SCARA5: variants seen among roughly 807,000 people sequenced by gnomAD.
The protein encoded by SCARA5 is scavenger receptor class A member 5, also known as scavenger receptor class A, member 5 (putative).
SCARA5 carries 45 observed loss-of-function variants against 46.3 expected under a neutral mutation model. The ratio of observed to expected loss-of-function variants is 0.97; its 90% CI spans 0.76 to 1.24. SCARA5 has a LOEUF of 1.24. Ranked by LOEUF, SCARA5 falls within the 50% of genes most tolerant of loss-of-function variation. The probability of loss-of-function intolerance (pLI) is 0.00; values close to 1 mark genes in which losing one functional copy is unlikely to be tolerated. For synonymous variants in SCARA5, 333 were observed against 306.5 expected (o/e 1.09, Z -0.90); for missense variants, 680 against 689.0 (o/e 0.99, Z 0.15).
At chr8:27,897,036 G>A (rs901250451) in intron 7 of SCARA5, among the ~76,000 whole-genome samples, 1 of 151,840 alleles carries the variant, frequency 6.6e-6, no homozygotes, top group African/African-American at 2.4e-5. Context: ...AGGTTGCAGT[G>A]AGCAGAGATT....
intron 4 of SCARA5, among the ~76,000 whole-genome samples, chr8:27,911,774 G>A (rs576324228): frequency 1.7e-4 from 26 of 152,170 alleles, no homozygotes; most frequent in Non-Finnish European, 2.5e-4. Flanking sequence ...TTAAATTCAC[G>A]TCTACCAGGA....
At chr8:27,967,183 T>C (rs912527971) in intron 2 of SCARA5, among the ~76,000 whole-genome samples, 1 of 152,226 alleles carries the variant, frequency 6.6e-6, no homozygotes, top group African/African-American at 2.4e-5. Context: ...ACCTTGCATT[T>C]AGATTTGCTA....
At chr8:27,952,265 G>A (rs553338166) in intron 3 of SCARA5, among the ~76,000 whole-genome samples, 27 of 152,166 alleles carry the variant, frequency 1.8e-4, no homozygotes, top group Middle Eastern at 3.2e-3. Flanking sequence ...GCCTTTGCTC[G>A]TGCCTTTTTT....
At chr8:27,876,471 G>A (rs761353898) in intron 8 of SCARA5, among the ~76,000 whole-genome samples, 4 of 152,182 alleles carry the variant, frequency 2.6e-5, no homozygotes, top group Non-Finnish European at 5.9e-5. Context: ...GGGAGGGGGA[G>A]TGGTGACAGG....
At chr8:27,984,209 C>A (rs1808666050) in intron 2 of SCARA5, among the ~76,000 whole-genome samples, 1 of 151,988 alleles carries the variant, frequency 6.6e-6, no homozygotes, top group Admixed American at 6.6e-5. Context: ...TAAAACAGAT[C>A]AAATCTGGCT....
chr8:27,875,566 C>A (rs1806711126), intron 8 of SCARA5, among the ~76,000 whole-genome samples: 1 of 152,038 alleles, frequency 6.6e-6, no homozygotes, highest in Non-Finnish European at 1.5e-5. Flanking sequence ...GCAGGAGGAG[C>A]AGCACAGGAG....
chr8:27,941,644 A>C (rs894604882), intron 3 of SCARA5, among the ~76,000 whole-genome samples: 5 of 151,636 alleles, frequency 3.3e-5, no homozygotes, highest in Non-Finnish European at 7.4e-5. Flanking sequence ...CACACCCTGC[A>C]CCTCCCCTTC....
At position 27,872,008 on chromosome 8, in the gene SCARA5, A is replaced by G. The variant is rs1480954062; in HGVS notation, c.1414T>C (p.Cys472Arg). Residue 472 changes from cysteine (C) to arginine (R), a missense_variant, in exon 9 of 9, where the codon TGC becomes CGC. Physicochemically the swap from Cys to Arg is radical, Grantham distance 180. Around this residue, in one of 3 missense-constraint regions of SCARA5, gnomAD observed 219 missense variants for 269.5 expected, o/e 0.81. Transcript: ENST00000354914. ...GTCACCCCCCATTTGGAGAAGCTGC[A>G]GCGGAAGATGGTTTCCTCTGTGCCC... ...CKGTEETIFR[C>R]SFSKWGVTNC... is the part of the protein sequence containing the mutation. 6.2e-7 allele frequency: 1 copy of G among 1,614,254 alleles called. No individual in the cohort carries two copies. Among genetic ancestry groups the G allele is most frequent in the Non-Finnish European group, 8.5e-7 (1 of 1,180,038 alleles).
chr8:27,935,861 C>T (rs966598604), intron 3 of SCARA5, among the ~76,000 whole-genome samples: 4 of 152,106 alleles, frequency 2.6e-5, no homozygotes, highest in Non-Finnish European at 4.4e-5. Flanking sequence ...AAGTGAAGAC[C>T]GAGGAAGGGG....
chr8:27,947,671 C>T (rs925802816), intron 3 of SCARA5, among the ~76,000 whole-genome samples: 1 of 149,626 alleles, frequency 6.7e-6, no homozygotes, highest in Non-Finnish European at 1.5e-5. Flanking sequence ...GGCCCAAGTC[C>T]GAGACCAGCC....
Position 27,904,419 on chromosome 8 carries a change from A to G in SCARA5, c.1153+359T>C, listed in dbSNP as rs78815620. On this transcript the variant is annotated intron_variant, in intron 7 of 8. Transcript: ENST00000354914. ...ATAAGCACTTTACACAGATTAACTCATTCAATTTTCACAATGACCTTATAA... is the reference window on the plus strand; with the variant it reads ...ATAAGCACTTTACACAGATTAACTCGTTCAATTTTCACAATGACCTTATAA... The G allele has an allele frequency of 2.3e-3, 1,055 of 449,554 alleles. 11 individuals are homozygous for G. Among genetic ancestry groups the G allele is most frequent in the African/African-American group, 0.018 (958 of 52,338 alleles). 27.8% of individuals were successfully genotyped at this position (449,554 alleles called of 1,614,324 possible).
intron 7 of SCARA5, among the ~76,000 whole-genome samples, chr8:27,902,579 G>A (rs541999226): frequency 4.2e-4 from 64 of 152,298 alleles, no homozygotes; most frequent in African/African-American, 1.5e-3. Flanking sequence ...CTGGCATGCG[G>A]GCAGTGTTTC....
intron 3 of SCARA5, among the ~76,000 whole-genome samples, chr8:27,951,557 A>G (rs889098728): frequency 3.3e-5 from 5 of 152,364 alleles, no homozygotes; most frequent in African/African-American, 1.2e-4. Context: ...TGGCAGTGCC[A>G]GGGTCAGGAG....
chr8:27,982,682 C>T (rs575804477), intron 2 of SCARA5, among the ~76,000 whole-genome samples: 113 of 152,256 alleles, frequency 7.4e-4, no homozygotes, highest in African/African-American at 2.5e-3. Context: ...CCCGCCCAGG[C>T]ATGCAGAGAA....
intron 7 of SCARA5, among the ~76,000 whole-genome samples, chr8:27,884,783 C>T (rs1806867892): frequency 6.6e-6 from 1 of 152,202 alleles, no homozygotes; most frequent in Admixed American, 6.5e-5. Flanking sequence ...AAACAGAGTC[C>T]CTGCCCTCAT....
chr8:27,883,300 G>A (rs930116417), intron 7 of SCARA5, among the ~76,000 whole-genome samples: 1 of 152,246 alleles, frequency 6.6e-6, no homozygotes, highest in African/African-American at 2.4e-5. Flanking sequence ...GTTTGGCTGG[G>A]AAGTCATAGT....
Position 27,905,532 on chromosome 8 carries a change from GAAAAA to G in SCARA5, c.1097-703_1097-699del, listed in dbSNP as rs869237451. Reference sequence around the variant, plus strand: ...AGGATGATCCAAGATTTGGGGGGGGGAAAAAAAAAAGGCAGCCATATACATATATA... The same window carrying G: ...AGGATGATCCAAGATTTGGGGGGGGGAAAAAGGCAGCCATATACATATATA... On this transcript the variant is annotated intron_variant, in intron 6 of 8. Transcript: ENST00000354914. Among the ~76,000 whole-genome samples the G allele has an allele frequency of 3.8e-4, 16 of 41,604 alleles. 1 individual carries two copies. The highest frequency in any genetic ancestry group is 5.0e-4 in the Non-Finnish European group (7 of 14,090). The allele number at this position is 41,604 out of a possible 152,430, so 27.3% of individuals were successfully genotyped here. A position where few individuals can be genotyped will look rare whatever the true frequency, so the allele number is the denominator to read the frequency against.
intron 3 of SCARA5, among the ~76,000 whole-genome samples, chr8:27,941,077 A>T (rs1807937568): frequency 6.6e-6 from 1 of 152,048 alleles, no homozygotes; most frequent in Non-Finnish European, 1.5e-5. Flanking sequence ...AATTCTGATG[A>T]TAACTTTTAA....
chr8:27,926,150 A>T (rs1807676466), intron 3 of SCARA5, among the ~76,000 whole-genome samples: 1 of 152,234 alleles, frequency 6.6e-6, no homozygotes, highest in South Asian at 2.1e-4. Context: ...ATGCACATGT[A>T]TGTTTATTGC....
Sources: gnomAD v4.1 joint callset for allele counts (sites outside exome capture counted in the v4.1 genomes callset) on GRCh38, gnomAD v4.1.1 for gene constraint, gnomAD v4.1.1 regional missense constraint, MANE v1.5 for transcripts, NCBI Gene and HGNC (gene_info 2026-07-23, HGNC 2026-07-21) for gene names.